The following ENPP2 variants were observed in gnomAD, a reference collection of about 807,000 sequenced individuals.
ENPP2 encodes the protein ectonucleotide pyrophosphatase/phosphodiesterase 2, also known as autotaxin.
In ENPP2, 51 loss-of-function variants were observed where a neutral mutation model predicts 120.2. The ratio of observed to expected loss-of-function variants is 0.42; its 90% CI spans 0.34 to 0.54. ENPP2 has a LOEUF of 0.54. ENPP2 is among the 20% of genes least tolerant of loss of function. The probability of loss-of-function intolerance (pLI) is 0.04; values close to 1 mark genes in which losing one functional copy is unlikely to be tolerated. For missense variants in ENPP2, 920 were observed against 1,066.5 expected (o/e 0.86, Z 1.91); for synonymous variants, 365 against 366.4 (o/e 1.00, Z 0.04).
At position 119,557,407 on chromosome 8, in the gene ENPP2, G is replaced by T; in HGVS notation, c.*114C>A. 1 of 833,012 alleles carries T rather than the reference G, an allele frequency of 1.2e-6. No individual in the cohort carries two copies. Among genetic ancestry groups the T allele is most frequent in the Non-Finnish European group, 1.8e-6 (1 of 544,986 alleles). 51.6% of individuals were successfully genotyped at this position (833,012 alleles called of 1,614,324 possible). Reference sequence around the variant, plus strand: ...ATTCAGGCATAATATGTCAGATTTGGTACAGGATTAAAATACTAACATTTT... The same window carrying T: ...ATTCAGGCATAATATGTCAGATTTGTTACAGGATTAAAATACTAACATTTT... On this transcript the variant is annotated 3_prime_UTR_variant, in exon 25 of 25. Transcript: ENST00000075322.
chr8:119,645,695 A>C (rs1477282735), intron 1 of ENPP2, among the ~76,000 whole-genome samples: 1 of 151,746 alleles, frequency 6.6e-6, no homozygotes, highest in Non-Finnish European at 1.5e-5. Context: ...CATGCCTGTC[A>C]TTCCAGCTAC....
rs750701293 is a variant in ENPP2, at chr8:119,659,320, T to TAAAAAAAAAAAA, written c.21+13920_21+13931dup. 2.9e-3 allele frequency among the ~76,000 whole-genome samples: 185 copies of TAAAAAAAAAAAA among 64,848 alleles called. 2 individuals carry two copies. Among genetic ancestry groups the TAAAAAAAAAAAA allele is most frequent in the African/African-American group, 8.1e-3 (168 of 20,762 alleles). The allele number at this position is 64,848 out of a possible 152,430, so 42.5% of individuals were successfully genotyped here. A position where few individuals can be genotyped will look rare whatever the true frequency, so the allele number is the denominator to read the frequency against. On this transcript the variant is annotated intron_variant, in intron 1 of 25. Transcript: ENST00000427067. ...CTACAGGACAAGACTCTGTCTCAATTAAAAAAAAAAAAAAAAACCAGAGTT... is the reference window on the plus strand; with the variant it reads ...CTACAGGACAAGACTCTGTCTCAATTAAAAAAAAAAAAAAAAAAAAAAAAAAAAACCAGAGTT...
At chr8:119,662,888 A>T (rs1032423791) in intron 1 of ENPP2, among the ~76,000 whole-genome samples, 1 of 152,170 alleles carries the variant, frequency 6.6e-6, no homozygotes, top group Non-Finnish European at 1.5e-5. Context: ...AGGCGGGAGG[A>T]TCACTTGAGG....
chr8:119,665,998 T>C (rs1818057105), intron 1 of ENPP2, among the ~76,000 whole-genome samples: 1 of 152,284 alleles, frequency 6.6e-6, no homozygotes, highest in African/African-American at 2.4e-5. Flanking sequence ...ACATCTAGAA[T>C]ACAATACACC....
At chr8:119,568,279 A>G in intron 21 of ENPP2, 27 bp from the exon 22 acceptor site, 1 of 1,287,616 alleles carries the variant, frequency 7.8e-7, no homozygotes, top group Non-Finnish European at 1.1e-6. Context: ...CAAATAGTAT[A>G]CGTTGCTTAC....
intron 1 of ENPP2, among the ~76,000 whole-genome samples, chr8:119,651,074 G>C (rs901710874): frequency 6.6e-6 from 1 of 152,096 alleles, no homozygotes; most frequent in Non-Finnish European, 1.5e-5. Flanking sequence ...GCTGTCCATA[G>C]ATATGTCACA....
chr8:119,665,584 T>G (rs1222589290), intron 1 of ENPP2, among the ~76,000 whole-genome samples: 3 of 152,196 alleles, frequency 2.0e-5, no homozygotes, highest in Admixed American at 6.5e-5. Flanking sequence ...CAATTTTTTG[T>G]TCAAGAAGTT....
intron 1 of ENPP2, among the ~76,000 whole-genome samples, chr8:119,644,300 G>A (rs888320818): frequency 7.2e-5 from 11 of 151,860 alleles, no homozygotes; most frequent in South Asian, 2.1e-4. Flanking sequence ...AGGCTATGGC[G>A]GCGTGGAGAG....
At chr8:119,589,453 A>G (rs1813348610) in intron 13 of ENPP2, among the ~76,000 whole-genome samples, 1 of 152,156 alleles carries the variant, frequency 6.6e-6, no homozygotes, top group Admixed American at 6.5e-5. Context: ...TCCCCATTAC[A>G]TGTACTAATG....
At chr8:119,600,457 T>G (rs1159002433) in intron 11 of ENPP2, among the ~76,000 whole-genome samples, 2 of 152,234 alleles carry the variant, frequency 1.3e-5, no homozygotes, top group African/African-American at 2.4e-5. Flanking sequence ...TAGGATATAT[T>G]ATTATTTAAA....
At chr8:119,616,885 T>C (rs1230779925) in intron 7 of ENPP2, among the ~76,000 whole-genome samples, 1 of 152,094 alleles carries the variant, frequency 6.6e-6, no homozygotes, top group Non-Finnish European at 1.5e-5. Context: ...ATTCAGAAAA[T>C]AAACAATAGA....
At chr8:119,575,539 TC>T (rs1240253916) in intron 19 of ENPP2, among the ~76,000 whole-genome samples, 2 of 152,182 alleles carry the variant, frequency 1.3e-5, no homozygotes, top group Non-Finnish European at 2.9e-5. Context: ...TTTGACATAT[TC>T]CCTTTGTTCC....
chr8:119,626,577 ACAG>A lies in ENPP2; in HGVS notation c.277_279del (p.Leu93del). The stretch of plus-strand genomic sequence containing the variant: ...ATAAGTTACGTACCTGTCTTCAAAC[ACAG>A]CTCATCAAAGTCATGGCAGCAACTG... On this transcript the variant is annotated inframe_deletion, in exon 3 of 25. Coordinates refer to ENST00000075322, the MANE Select transcript of ENPP2 (RefSeq NM_001040092.3). The A allele has an allele frequency of 6.2e-7, 1 of 1,613,996 alleles. No homozygotes were observed. The highest frequency in any genetic ancestry group is 8.5e-7 in the Non-Finnish European group (1 of 1,179,848).
chr8:119,604,016 T>C (rs867978737), intron 9 of ENPP2, among the ~76,000 whole-genome samples: 731 of 39,286 alleles, frequency 0.019, 4 homozygotes, highest in South Asian at 0.13. Context: ...CTCTCTCTTT[T>C]TTTTTTTTTT....
chr8:119,654,300 CTA>C (rs1015325693), intron 1 of ENPP2, among the ~76,000 whole-genome samples: 3 of 139,268 alleles, frequency 2.2e-5, no homozygotes, highest in Non-Finnish European at 4.6e-5. Context: ...ATAGATGTAT[CTA>C]TATATAATAC....
At chr8:119,624,933 A>T (rs1816167839) in intron 3 of ENPP2, among the ~76,000 whole-genome samples, 1 of 152,186 alleles carries the variant, frequency 6.6e-6, no homozygotes, top group African/African-American at 2.4e-5. Flanking sequence ...CTTCACATTC[A>T]GGATATGTTA....
chr8:119,655,564 C>A (rs961355451), intron 1 of ENPP2, among the ~76,000 whole-genome samples: 4 of 152,182 alleles, frequency 2.6e-5, no homozygotes, highest in African/African-American at 9.7e-5. Flanking sequence ...CATATAATCC[C>A]TTCCTCATAG....
chr8:119,638,483 T>C lies in ENPP2; in HGVS notation c.78A>G (p.Leu26=). The C allele has an allele frequency of 6.2e-7, 1 of 1,611,032 alleles. No homozygotes were observed. The highest frequency in any genetic ancestry group is 8.5e-7 in the Non-Finnish European group (1 of 1,177,114). ...FTFAVGVNIC[L]GFTAHRIKRA... ...TCTTAATTCGATGTGCAGTGAATCC[T>C]AAGCAGATATTGACTCCAACGGCAA... The change falls in exon 2 of 25, where the codon TTA becomes TTG. Residue 26 remains leucine (L), a synonymous_variant. Coordinates refer to ENST00000075322, the MANE Select transcript of ENPP2 (RefSeq NM_001040092.3).
rs1188369555 is a variant in ENPP2 at position 119,586,173 on chromosome 8, A to G, written c.1367+13T>C. 1.2e-6 allele frequency: 2 copies of G among 1,613,620 alleles called. No individual in the cohort carries two copies. Among genetic ancestry groups the G allele is most frequent in the South Asian group, 1.1e-5 (1 of 90,972 alleles). On this transcript the variant is annotated intron_variant, in intron 15 of 24. Transcript: ENST00000075322. Reference sequence around the variant, plus strand: ...TGGAAATGAGAAACAGAAATAGCCCATATACCAGTTACCTTGCAACATGCC... The same window carrying G: ...TGGAAATGAGAAACAGAAATAGCCCGTATACCAGTTACCTTGCAACATGCC...
Sources: gnomAD v4.1 joint callset for allele counts (sites outside exome capture counted in the v4.1 genomes callset) on GRCh38, gnomAD v4.1.1 for gene constraint, MANE v1.5 for transcripts, NCBI Gene and HGNC (gene_info 2026-07-23, HGNC 2026-07-21) for gene names.